The following DPP6 variants were observed in gnomAD, a reference collection of about 807,000 sequenced individuals.
DPP6 encodes the protein dipeptidyl peptidase like 6, also known as A-type potassium channel modulatory protein DPP6.
In DPP6, 69 loss-of-function variants were observed where a neutral mutation model predicts 122.6. The observed-to-expected ratio is 0.56, with a 90% CI of 0.46 to 0.69. The LOEUF (loss-of-function observed/expected upper bound fraction) is 0.69. Ranked by LOEUF, DPP6 falls within the 30% of genes least tolerant of loss-of-function variation. DPP6 has a pLI of 0.00. For missense variants in DPP6, 928 were observed against 1,116.9 expected (o/e 0.83, Z 2.41); for synonymous variants, 418 against 433.1 (o/e 0.97, Z 0.43).
intron 1 of DPP6, among the ~76,000 whole-genome samples, chr7:154,370,495 G>A (rs1812563831): frequency 6.6e-6 from 1 of 152,194 alleles, no homozygotes; most frequent in Non-Finnish European, 1.5e-5. Context: ...ACAAGGTAAA[G>A]CAGTAGATTC....
At chr7:154,468,820 T>C (rs1319558148) in intron 2 of DPP6, among the ~76,000 whole-genome samples, 2 of 152,242 alleles carry the variant, frequency 1.3e-5, no homozygotes, top group East Asian at 3.8e-4. Context: ...CTAGTTTTCT[T>C]AGACTATTTG....
chr7:154,053,316 G>A (rs1243738732), intron 1 of DPP6, among the ~76,000 whole-genome samples: 1 of 152,032 alleles, frequency 6.6e-6, no homozygotes, highest in African/African-American at 2.4e-5. Context: ...TGGGTACTGC[G>A]CCTGCTGGGA....
intron 7 of DPP6, among the ~76,000 whole-genome samples, chr7:154,678,956 G>A (rs2131156510): frequency 6.6e-6 from 1 of 152,158 alleles, no homozygotes; most frequent in Non-Finnish European, 1.5e-5. Context: ...CTCAATAAAT[G>A]TCTTTGATTG....
At chr7:154,452,998 A>AT (rs1248609331) in intron 2 of DPP6, among the ~76,000 whole-genome samples, 2 of 152,086 alleles carry the variant, frequency 1.3e-5, no homozygotes, top group Non-Finnish European at 2.9e-5. Context: ...TCAACGTTAC[A>AT]TTTTTTATTT....
At chr7:153,970,513 C>T (rs2129032944) in intron 1 of DPP6, among the ~76,000 whole-genome samples, 1 of 152,232 alleles carries the variant, frequency 6.6e-6, no homozygotes, top group Admixed American at 6.5e-5. Flanking sequence ...TCTAATTTAT[C>T]AACTTTTTTC....
the DPP6 span, among the ~76,000 whole-genome samples, chr7:153,840,910 G>A: frequency 6.6e-6 from 1 of 152,162 alleles, no homozygotes. Flanking sequence ...CGTCTGAGCT[G>A]AGCCTGAGAA....
chr7:154,639,678 C>G (rs970807555), intron 6 of DPP6, among the ~76,000 whole-genome samples: 1 of 152,072 alleles, frequency 6.6e-6, no homozygotes, highest in Non-Finnish European at 1.5e-5. Flanking sequence ...GTGTTGAAGG[C>G]TCGGCTTCTG....
At position 154,481,311 on chromosome 7, in the gene DPP6, C is replaced by T. The variant is rs1823254203; in HGVS notation, c.457+6274C>T. Among the ~76,000 whole-genome samples, 1 of 151,846 alleles carries T rather than the reference C, an allele frequency of 6.6e-6. No homozygotes were observed. The highest frequency in any genetic ancestry group is 2.1e-4 in the South Asian group (1 of 4,806). On this transcript the variant is annotated intron_variant, in intron 3 of 25. Coordinates refer to ENST00000377770, the MANE Select transcript of DPP6 (RefSeq NM_130797.4). This position sits in a 1 kb window ranked among gnomAD's most constrained non-coding sequence, Gnocchi z 4.2. ...GTTTCAATTCTCTAGCTCAAATGCT[C>T]TTCCGAGCTATACACTTGGAGAGAG...
chr7:153,969,028 C>T (rs1319709576), intron 1 of DPP6, among the ~76,000 whole-genome samples: 1 of 151,232 alleles, frequency 6.6e-6, no homozygotes, highest in Non-Finnish European at 1.5e-5. Flanking sequence ...GTTCTTTCCA[C>T]TTTGTGGCTA....
intron 1 of DPP6, among the ~76,000 whole-genome samples, chr7:153,978,964 AGTCAGGTACCATGAT>A (rs1253477103): frequency 2.4e-4 from 36 of 152,144 alleles, no homozygotes; most frequent in African/African-American, 8.2e-4. Flanking sequence ...TATAGTTTGA[AGTCAGGTACCATGAT>A]GCCTCCAGCT....
chr7:154,589,991 A>G (rs561540143), intron 5 of DPP6, among the ~76,000 whole-genome samples: 2 of 152,308 alleles, frequency 1.3e-5, no homozygotes, highest in African/African-American at 4.8e-5. Context: ...TCTTCTTTAT[A>G]AGCTGAGGTT....
intron 1 of DPP6, among the ~76,000 whole-genome samples, chr7:153,900,988 A>T (rs976993151): frequency 1.1e-4 from 17 of 152,130 alleles, no homozygotes; most frequent in African/African-American, 4.1e-4. Context: ...AGAATTGGGT[A>T]TTTTCATACT....
intron 16 of DPP6, among the ~76,000 whole-genome samples, chr7:154,813,104 A>G (rs915422539): frequency 6.6e-6 from 1 of 150,628 alleles, no homozygotes; most frequent in African/African-American, 2.4e-5. Flanking sequence ...TTTTTGAGAC[A>G]GAGTCTCGCT....
intron 1 of DPP6, among the ~76,000 whole-genome samples, chr7:153,940,471 C>T (rs1335923774): frequency 6.6e-6 from 1 of 152,078 alleles, no homozygotes; most frequent in African/African-American, 2.4e-5. Flanking sequence ...CTGAAATAGT[C>T]TCTATGAGGT....
At chr7:154,026,148 A>G (rs1449924024) in intron 1 of DPP6, 1 of 151,898 alleles carries the variant, frequency 6.6e-6, no homozygotes, top group Non-Finnish European at 1.5e-5. Flanking sequence ...CAGGTGCCAC[A>G]TGCCTGCATG....
At chr7:154,358,217 A>T (rs76833674) in intron 1 of DPP6, among the ~76,000 whole-genome samples, 5,804 of 152,308 alleles carry the variant, frequency 0.038, 389 homozygotes, top group African/African-American at 0.13. Context: ...CAGTTGGCTC[A>T]CCTGCTCAGC....
chr7:154,239,992 T>TAAAAAAAAAAAAAAAAAAA (rs763543397), intron 1 of DPP6, among the ~76,000 whole-genome samples: 1 of 50,398 alleles, frequency 2.0e-5, no homozygotes, highest in African/African-American at 6.0e-5. Flanking sequence ...ATGCTGTCTT[T>TAAAAAAAAAAAAAAAAAAA]AAAAAAAAAA....
chr7:153,782,867 A>G, the DPP6 span, among the ~76,000 whole-genome samples: 1 of 152,160 alleles, frequency 6.6e-6, no homozygotes, highest in Non-Finnish European at 1.5e-5. Context: ...ATAGACATGG[A>G]ACAGAGGAAA....
chr7:154,453,960 T>C (rs1267830907), intron 2 of DPP6, among the ~76,000 whole-genome samples: 2 of 152,266 alleles, frequency 1.3e-5, no homozygotes, highest in African/African-American at 2.4e-5. Context: ...AGTCATTTAA[T>C]AGCTTTTGTG....
Sources: allele counts gnomAD v4.1 joint callset (sites outside exome capture counted in the v4.1 genomes callset), GRCh38; gene constraint gnomAD v4.1.1; non-coding constraint Gnocchi (gnomAD v3.1); transcripts MANE v1.5; gene names NCBI Gene and HGNC (gene_info 2026-07-23, HGNC 2026-07-21).